Variants in PTDSS2 observed in about 807,000 individuals in gnomAD.
PTDSS2 encodes the protein phosphatidylserine synthase 2.
Under a neutral mutation model 64.7 loss-of-function variants are expected in PTDSS2, and 41 were observed. The observed-to-expected ratio is 0.63, with a 90% CI of 0.49 to 0.82. The LOEUF (loss-of-function observed/expected upper bound fraction) is 0.82. Among genes scored for constraint, PTDSS2 ranks in the 40% least tolerant of loss-of-function variants. The pLI is 0.00. For missense variants in PTDSS2, 485 were observed against 650.0 expected (o/e 0.75, Z 2.76); for synonymous variants, 297 against 277.8 (o/e 1.07, Z -0.69).
rs1554957571 is a variant in PTDSS2, at chr11:488,591, G to A, written c.798G>A (p.Glu266=). ...TCTACTGCGGCATGAAGACCCTTGA[G>A]TGGCTGTCCCTGAAGACGTACAAGT... ...LGIYCGMKTL[E]WLSLKTYKWQ... The change falls in exon 8 of 12, where the codon GAG becomes GAA. Residue 266 remains glutamate, a synonymous_variant. Transcript: ENST00000308020. 1.2e-6 allele frequency: 2 copies of A among 1,613,522 alleles called. No homozygotes were observed. Among genetic ancestry groups the A allele is most frequent in the South Asian group, 2.2e-5 (2 of 91,086 alleles).
rs958534383 is a variant in PTDSS2, at chr11:466,915, C to T, written c.284+6627C>T. Among the ~76,000 whole-genome samples the T allele has an allele frequency of 2.6e-5, 4 of 152,152 alleles. No homozygotes were observed. The Middle Eastern group carries it at 0.01, about 388-fold the overall frequency. On this transcript the variant is annotated intron_variant, in intron 2 of 11. Transcript: ENST00000308020. The stretch of plus-strand genomic sequence containing the variant: ...ACAAAAAATACAAAAATTAGCCAGG[C>T]GTGGTGGTGCACACCTGCAGTTCCA...
intron 1 of PTDSS2, among the ~76,000 whole-genome samples, chr11:455,854 A>G (rs1480580635): frequency 2.6e-5 from 4 of 152,060 alleles, no homozygotes; most frequent in African/African-American, 4.8e-5. Context: ...GTCTCACTCC[A>G]CTGGAAGGAA....
In PTDSS2 at chr11:490,036, G is replaced by A. The variant is rs75782220; in HGVS notation, c.1269G>A (p.Ala423=). ...SQCWTLGSVL[A]LTWTVWRFFL... ...GCTGGACCCTCGGCTCCGTCCTGGC[G>A]CTCACCTGGACCGTCTGGCGCTTCT... The change falls in exon 11 of 12, where the codon GCG becomes GCA. Residue 423 remains alanine (A), a synonymous_variant. Coordinates refer to ENST00000308020, the MANE Select transcript of PTDSS2 (RefSeq NM_030783.3). 69,031 of 1,610,326 alleles carry A rather than the reference G, an allele frequency of 0.043. 2,645 individuals are homozygous for A. The highest frequency in any genetic ancestry group is 0.17 in the Admixed American group (10,021 of 59,990).
rs1252371101 is a variant in PTDSS2, at chr11:489,884, A to G, written c.1117A>G (p.Lys373Glu). ...CTGAACCCCCTGCTGCCCCTGCAGG[A>G]AGCCCCACAAGAAGCTGGGCCCGCA... Reference protein sequence around the residue: ...REIYDFMDDPKPHKKLGPQAW... With the variant: ...REIYDFMDDPEPHKKLGPQAW... Residue 373 changes from lysine to glutamate, a missense_variant and splice_region_variant, in exon 11 of 12, where the codon AAG (lysine) becomes GAG (glutamate). Transcript: ENST00000308020. The G allele has an allele frequency of 6.3e-7, 1 of 1,584,064 alleles. No homozygotes were observed.
intron 4 of PTDSS2, among the ~76,000 whole-genome samples, chr11:480,820 T>C (rs901554678): frequency 1.1e-4 from 16 of 152,154 alleles, no homozygotes; most frequent in Non-Finnish European, 1.9e-4. Context: ...CGGTGGCTCA[T>C]GCCTGTAAAC....
rs374769797 is a variant in PTDSS2 at position 490,077 on chromosome 11, G to A, written c.1301+9G>A. ...TGGCGCTTCTTCCTGCGGTGAGTCAGGGCAGGGCGCGTATGTTCTGAAGGA... is the reference window on the plus strand; with the variant it reads ...TGGCGCTTCTTCCTGCGGTGAGTCAAGGCAGGGCGCGTATGTTCTGAAGGA... On this transcript the variant is annotated intron_variant, in intron 11 of 11. Transcript: ENST00000308020. The A allele has an allele frequency of 2.2e-5, 36 of 1,600,018 alleles. No individual in the cohort carries two copies. In the East Asian group the frequency reaches 5.6e-4, roughly 25 times the overall value.
intron 2 of PTDSS2, among the ~76,000 whole-genome samples, chr11:464,358 G>A (rs1037989069): frequency 7.9e-5 from 12 of 152,262 alleles, no homozygotes; most frequent in African/African-American, 2.9e-4. Context: ...GCGTACGGCT[G>A]ATGAGTTTTA....
Position 450,359 on chromosome 11 carries a change from C to A in PTDSS2, c.-97C>A. The A allele has an allele frequency of 9.0e-7, 1 of 1,116,916 alleles. No homozygotes were observed. Among genetic ancestry groups the A allele is most frequent in the Non-Finnish European group, 1.1e-6 (1 of 888,458 alleles). 69.2% of individuals were successfully genotyped at this position (1,116,916 alleles called of 1,614,324 possible). A position where few individuals can be genotyped will look rare whatever the true frequency, so the allele number is the denominator to read the frequency against. ...GCGGGCCAGCGCCGCGACCCCTTCC[C>A]AGCGCTCCTCGCGCTGTGTGCGGCG... On this transcript the variant is annotated 5_prime_UTR_variant, in exon 1 of 12. Coordinates refer to ENST00000308020, the MANE Select transcript of PTDSS2 (RefSeq NM_030783.3).
At chr11:490,207 T>G (rs1193576374) in intron 11 of PTDSS2, 139 bp downstream of exon 11, 7 of 1,166,400 alleles carry the variant, frequency 6.0e-6, no homozygotes, top group Non-Finnish European at 8.4e-6. Flanking sequence ...GGGAGGCGCC[T>G]TTCCTGACCC....
At chr11:477,536 G>T (rs550444254) in intron 3 of PTDSS2, among the ~76,000 whole-genome samples, 1 of 152,282 alleles carries the variant, frequency 6.6e-6, no homozygotes, top group African/African-American at 2.4e-5. Context: ...AAGCGTGAGT[G>T]GGGAGAGGAG....
At chr11:477,999 C>T (rs181938778) in intron 3 of PTDSS2, among the ~76,000 whole-genome samples, 2 of 152,332 alleles carry the variant, frequency 1.3e-5, no homozygotes, top group African/African-American at 4.8e-5. Flanking sequence ...GCCGTCTTCC[C>T]CTGAGTACGT....
Position 473,992 on chromosome 11 carries a change from C to G in PTDSS2, c.367+15C>G. On this transcript the variant is annotated intron_variant, in intron 3 of 11. Coordinates refer to ENST00000308020, the MANE Select transcript of PTDSS2 (RefSeq NM_030783.3). ...ACCTCATCCAGGTAACTTGCCATTT[C>G]CTTTTCCGTGTGCCCCTGTGGCATT... 6.2e-7 allele frequency: 1 copy of G among 1,601,656 alleles called. No individual in the cohort carries two copies. Among genetic ancestry groups the G allele is most frequent in the Non-Finnish European group, 8.6e-7 (1 of 1,168,722 alleles).
chr11:457,271 A>C (rs1437222580), intron 1 of PTDSS2, among the ~76,000 whole-genome samples: 1 of 152,226 alleles, frequency 6.6e-6, no homozygotes, highest in African/African-American at 2.4e-5. Flanking sequence ...ATGCACCGCC[A>C]CAACCACGCT....
intron 2 of PTDSS2, among the ~76,000 whole-genome samples, chr11:473,131 G>A (rs1462594816): frequency 6.6e-6 from 1 of 152,350 alleles, no homozygotes; most frequent in South Asian, 2.1e-4. Context: ...GCTGCTCACC[G>A]AAACCCACTG....
intron 8 of PTDSS2, 109 bp from the exon 9 acceptor site, chr11:489,291 C>A: frequency 1.1e-6 from 1 of 884,322 alleles, no homozygotes. Flanking sequence ...CAGAGCTCGT[C>A]CGATGGCACA....
chr11:461,525 G>A lies in PTDSS2; in HGVS notation c.284+1237G>A, dbSNP rs913233751. Reference sequence around the variant, plus strand: ...CTCACCCTCCATCCTCACCTGGGAGGCGCAGGTGGCCTCTCCTGTCCTGGT... The same window carrying A: ...CTCACCCTCCATCCTCACCTGGGAGACGCAGGTGGCCTCTCCTGTCCTGGT... On this transcript the variant is annotated intron_variant, in intron 2 of 11. Transcript: ENST00000308020. The surrounding 1 kb of genome is among the most constrained non-coding windows in gnomAD (Gnocchi z 4.2). 2.6e-5 allele frequency among the ~76,000 whole-genome samples: 4 copies of A among 152,108 alleles called. No individual in the cohort carries two copies. Among genetic ancestry groups the A allele is most frequent in the Non-Finnish European group, 5.9e-5 (4 of 67,998 alleles).
chr11:487,129 A>G (rs1016422840), intron 5 of PTDSS2, 56 bp downstream of exon 5: 77 of 1,525,842 alleles, frequency 5.0e-5, no homozygotes, highest in Admixed American at 1.3e-4. Context: ...CCCGTGCCGG[A>G]CCAGGCGCCA....
At chr11:485,792 G>A (rs1848340064) in intron 4 of PTDSS2, among the ~76,000 whole-genome samples, 4 of 118,888 alleles carry the variant, frequency 3.4e-5, no homozygotes, top group South Asian at 2.7e-4. Context: ...CACCGTGCGC[G>A]CAGGCGAGCG....
At position 487,382 on chromosome 11, in the gene PTDSS2, GT is replaced by G. The variant is rs557995820; in HGVS notation, c.571-37del. ...GCCGGTGTGGGGAGTGGGGGTGGCTGTGCCCCAGGGTCAAGGGTCATACCCT... is the reference window on the plus strand; with the variant it reads ...GCCGGTGTGGGGAGTGGGGGTGGCTGGCCCCAGGGTCAAGGGTCATACCCT... On this transcript the variant is annotated intron_variant, in intron 5 of 11. Coordinates refer to ENST00000308020, the MANE Select transcript of PTDSS2 (RefSeq NM_030783.3). 1.8e-4 allele frequency: 281 copies of G among 1,598,228 alleles called. 3 individuals are homozygous for G. In the South Asian group the frequency reaches 3.0e-3, roughly 17 times the overall value.
Sources: allele counts gnomAD v4.1 joint callset (sites outside exome capture counted in the v4.1 genomes callset), GRCh38; gene constraint gnomAD v4.1.1; non-coding constraint Gnocchi (gnomAD v3.1); transcripts MANE v1.5; gene names NCBI Gene and HGNC (gene_info 2026-07-23, HGNC 2026-07-21).